Variants in TSR1 observed in about 807,000 individuals in gnomAD.
TSR1 encodes pre-rRNA-processing protein TSR1 homolog.
Under a neutral mutation model 90.9 loss-of-function variants are expected in TSR1, and 81 were observed. The ratio of observed to expected loss-of-function variants is 0.89; its 90% CI spans 0.74 to 1.07. The LOEUF (loss-of-function observed/expected upper bound fraction) is 1.07. Ranked by LOEUF, TSR1 falls within the 50% of genes least tolerant of loss-of-function variation. The pLI, the probability that TSR1 is intolerant of heterozygous loss-of-function variation, is 0.00. For synonymous variants in TSR1, 362 were observed against 348.8 expected (o/e 1.04, Z -0.42); for missense variants, 989 against 987.3 (o/e 1.00, Z -0.02).
chr17:2,329,191 TA>T (rs2075591488), intron 11 of TSR1, 151 bp downstream of exon 11: 1 of 1,230,366 alleles, frequency 8.1e-7, no homozygotes. Context: ...ACATTTTGAA[TA>T]AAAACATCAT....
At chr17:2,330,344 T>G (rs373470652) in intron 10 of TSR1, 171 bp downstream of exon 10, 1 of 750,968 alleles carries the variant, frequency 1.3e-6, no homozygotes, top group South Asian at 1.4e-5. Flanking sequence ...TCAGACGATA[T>G]GAATAAAACC....
chr17:2,333,867 T>C (rs1447886125), intron 5 of TSR1, 151 bp from the exon 6 acceptor site: 5 of 968,906 alleles, frequency 5.2e-6, no homozygotes, highest in African/African-American at 3.3e-5. Flanking sequence ...CAATGGCTGT[T>C]TTCTAATTTC....
chr17:2,322,432 A>C lies in TSR1; in HGVS notation c.*1764T>G, dbSNP rs1263455041. 6.6e-6 allele frequency: 1 copy of C among 152,282 alleles called. No individual in the cohort carries two copies. The highest frequency in any genetic ancestry group is 2.4e-5 in the African/African-American group (1 of 41,464). The allele number at this position is 152,282 out of a possible 1,614,324, so 9.4% of individuals were successfully genotyped here. A position where few individuals can be genotyped will look rare whatever the true frequency, so the allele number is the denominator to read the frequency against. ...ATATAATTTATTTATAAAGTGCTTG[A>C]AGATATTTTCATTACATCCACAAAA... is the stretch of plus-strand genomic sequence containing the variant. On this transcript the variant is annotated 3_prime_UTR_variant, in exon 15 of 15. Transcript: ENST00000301364.
intron 11 of TSR1, 76 bp from the exon 12 acceptor site, chr17:2,325,496 T>G (rs1342530720): frequency 8.8e-7 from 1 of 1,139,804 alleles, no homozygotes; most frequent in Admixed American, 2.3e-5. Flanking sequence ...TGAAAAGCTG[T>G]ATTAGTGCAA....
intron 11 of TSR1, chr17:2,328,919 C>CAAAA (rs56003468): frequency 3.0e-4 from 28 of 92,412 alleles, no homozygotes; most frequent in East Asian, 5.9e-4. Flanking sequence ...GACTCCGTCT[C>CAAAA]AAAAAAAAAA....
rs1421111878 is a variant in TSR1, at chr17:2,323,705, A to G, written c.*491T>C. ...GGATGAAACTACTCATTGAACCTAC[A>G]GCTGGTGTTGGAGTGGCTGCTGTGC... is the stretch of plus-strand genomic sequence containing the variant. On this transcript the variant is annotated 3_prime_UTR_variant, in exon 15 of 15. Coordinates refer to ENST00000301364, the MANE Select transcript of TSR1 (RefSeq NM_018128.5). 2.5e-6 allele frequency: 4 copies of G among 1,614,172 alleles called. No homozygotes were observed. The Admixed American group carries it at 6.7e-5, about 27-fold the overall frequency.
rs1306060902 is a variant in TSR1 at position 2,324,139 on chromosome 17, G to A, written c.*57C>T. The A allele has an allele frequency of 1.3e-6, 2 of 1,505,626 alleles. No homozygotes were observed. Among genetic ancestry groups the A allele is most frequent in the African/African-American group, 2.8e-5 (2 of 71,462 alleles). 93.3% of individuals were successfully genotyped at this position (1,505,626 alleles called of 1,614,324 possible). On this transcript the variant is annotated 3_prime_UTR_variant, in exon 15 of 15. Transcript: ENST00000301364. Reference sequence around the variant, plus strand: ...TAAACTTTGCCCAATCACAACTTGTGCCTCCCATCCCTGGAGTACTGACTG... The same window carrying A: ...TAAACTTTGCCCAATCACAACTTGTACCTCCCATCCCTGGAGTACTGACTG...
chr17:2,336,400 T>C lies in TSR1; in HGVS notation c.28A>G (p.Lys10Glu), dbSNP rs758938245. MAAHRPGPL[K>E]QQNKAHKGGR... is the part of the protein sequence containing the mutation. ...CCTTTATGAGCTTTATTCTGCTGCT[T>C]GAGCGGGCCGGGGCGGTGGGCCGCC... is the stretch of plus-strand genomic sequence containing the variant. Residue 10 changes from lysine to glutamate, a missense_variant, in exon 1 of 15, where the codon AAG becomes GAG. Physicochemically the swap from Lys to Glu is moderately conservative, Grantham distance 56. Coordinates refer to ENST00000301364, the MANE Select transcript of TSR1 (RefSeq NM_018128.5). 2.7e-5 allele frequency: 44 copies of C among 1,612,462 alleles called. No homozygotes were observed. The South Asian group carries it at 4.7e-4, about 17-fold the overall frequency.
Position 2,330,528 on chromosome 17 carries a change from G to C in TSR1, c.1757C>G (p.Pro586Arg). Residue 586 changes from proline (P) to arginine (R), a missense_variant, in exon 10 of 15, where the codon CCT (proline) becomes CGT (arginine). Physicochemically the swap from Pro to Arg is moderately radical, Grantham distance 103. Transcript: ENST00000301364. Reference protein sequence around the residue: ...GTPLIAFSLLPHEQKMSVLNM... With the variant: ...GTPLIAFSLLRHEQKMSVLNM... ...ACAGCAATTTACCTTCTGTTCATGAGGTAGTAAAGAAAATGCAATCAAGGG... is the reference window on the plus strand; with the variant it reads ...ACAGCAATTTACCTTCTGTTCATGACGTAGTAAAGAAAATGCAATCAAGGG... The C allele has an allele frequency of 6.2e-7, 1 of 1,613,770 alleles. No homozygotes were observed. The highest frequency in any genetic ancestry group is 8.5e-7 in the Non-Finnish European group (1 of 1,179,848).
chr17:2,329,540 G>A, intron 10 of TSR1, 65 bp from the exon 11 acceptor site: 2 of 1,581,300 alleles, frequency 1.3e-6, no homozygotes, highest in Non-Finnish European at 1.7e-6. Flanking sequence ...TAAACTGAAA[G>A]AAGGCAAACC....
At chr17:2,326,587 C>G (rs1386743662) in intron 11 of TSR1, among the ~76,000 whole-genome samples, 1 of 152,134 alleles carries the variant, frequency 6.6e-6, no homozygotes, top group African/African-American at 2.4e-5. Flanking sequence ...ACTCTGCTAT[C>G]TAGGCTAGAC....
intron 7 of TSR1, 25 bp downstream of exon 7, chr17:2,332,936 T>A (rs776530170): frequency 1.2e-6 from 2 of 1,607,936 alleles, no homozygotes; most frequent in Non-Finnish European, 1.7e-6. Context: ...AGACACAGAA[T>A]TGGCCTAAGG....
Position 2,325,300 on chromosome 17 carries a change from T to G in TSR1, c.2020+4A>C. Reference sequence around the variant, plus strand: ...GGTCTGTTCATCTCTGTGGCTCAACTTACCATTGCTTTTTTGCTTGAAAAG... The same window carrying G: ...GGTCTGTTCATCTCTGTGGCTCAACGTACCATTGCTTTTTTGCTTGAAAAG... On this transcript the variant is annotated splice_donor_region_variant and intron_variant, in intron 12 of 14. Transcript: ENST00000301364. 2 of 1,608,680 alleles carry G rather than the reference T, an allele frequency of 1.2e-6. No homozygotes were observed. The highest frequency in any genetic ancestry group is 1.7e-6 in the Non-Finnish European group (2 of 1,177,636).
Position 2,331,070 on chromosome 17 carries a change from A to C in TSR1, c.1536T>G (p.Ser512=), listed in dbSNP as rs2064000465. The part of the protein sequence containing the change: ...KYRGLKSFRT[S]PWDPKENLPQ... ...GAAGGTTTTCCTTAGGATCCCATGG[A>C]GATGTCCGGAAGCTCTTAAGGCCTC... The change falls in exon 9 of 15, where the codon TCT becomes TCG. Residue 512 remains serine (S), a synonymous_variant. Transcript: ENST00000301364. 6.2e-7 allele frequency: 1 copy of C among 1,604,692 alleles called. No individual in the cohort carries two copies. Among genetic ancestry groups the C allele is most frequent in the South Asian group, 1.1e-5 (1 of 88,902 alleles).
In TSR1 at chr17:2,332,376, C is replaced by T; in HGVS notation, c.1306-17G>A. 2 of 1,566,374 alleles carry T rather than the reference C, an allele frequency of 1.3e-6. No individual in the cohort carries two copies. The highest frequency in any genetic ancestry group is 2.8e-5 in the African/African-American group (2 of 72,406). On this transcript the variant is annotated splice_polypyrimidine_tract_variant and intron_variant, in intron 7 of 14. Transcript: ENST00000301364. ...ACTCTCATCCTGTAGAATAGGATTA[C>T]AGTTTTTTCAGAAGAAATCCACACC...
Position 2,330,959 on chromosome 17 carries a change from A to T in TSR1, c.1647T>A (p.Val549=). ...SIFKEVEEKE[V]EGAEVGWYVT... ...GGAGGATAGATACCTCAGCTCCTTC[A>T]ACCTCTTTTTCTTCAACCTCTTTAA... Residue 549 remains valine (V), a synonymous_variant, in exon 9 of 15, where the codon GTT becomes GTA. Coordinates refer to ENST00000301364, the MANE Select transcript of TSR1 (RefSeq NM_018128.5). 1 of 1,591,168 alleles carries T rather than the reference A, an allele frequency of 6.3e-7. No homozygotes were observed. Among genetic ancestry groups the T allele is most frequent in the Non-Finnish European group, 8.5e-7 (1 of 1,173,362 alleles).
At chr17:2,335,422 G>C (rs2064049994) in intron 3 of TSR1, 28 bp from the exon 4 acceptor site, 1 of 1,604,386 alleles carries the variant, frequency 6.2e-7, no homozygotes, top group Non-Finnish European at 8.5e-7. Flanking sequence ...AGTAAGAAGA[G>C]GTGGTTGGCA....
Position 2,336,375 on chromosome 17 carries a change from C to T in TSR1, c.53G>A (p.Gly18Asp). 1.2e-6 allele frequency: 2 copies of T among 1,613,680 alleles called. No individual in the cohort carries two copies. The highest frequency in any genetic ancestry group is 1.1e-5 in the South Asian group (1 of 91,070). Residue 18 changes from glycine (G) to aspartate (D), a missense_variant, in exon 1 of 15, where the codon GGC becomes GAC. Coordinates refer to ENST00000301364, the MANE Select transcript of TSR1 (RefSeq NM_018128.5). ...PLKQQNKAHK[G>D]GRHRGRGSAQ... ...AGATCCCCGACCCCGATGCCGTCCG[C>T]CTTTATGAGCTTTATTCTGCTGCTT... is the stretch of plus-strand genomic sequence containing the variant.
intron 11 of TSR1, among the ~76,000 whole-genome samples, chr17:2,328,540 G>A (rs2075587104): frequency 6.6e-6 from 1 of 151,620 alleles, no homozygotes; most frequent in Admixed American, 6.6e-5. Flanking sequence ...AGTGAGCCGA[G>A]ATCACGCTAT....
Sources: allele counts gnomAD v4.1 joint callset (sites outside exome capture counted in the v4.1 genomes callset), GRCh38; gene constraint gnomAD v4.1.1; transcripts MANE v1.5; gene names NCBI Gene and HGNC (gene_info 2026-07-23, HGNC 2026-07-21).